Variants in KCNH1 observed in about 807,000 individuals in gnomAD.
The protein encoded by KCNH1 is potassium voltage-gated channel subfamily H member 1.
KCNH1 carries 27 observed loss-of-function variants against 69.2 expected under a neutral mutation model. The observed-to-expected ratio is 0.39, with a 90% confidence interval of 0.29 to 0.54. The LOEUF (loss-of-function observed/expected upper bound fraction) is 0.54. Among genes scored for constraint, KCNH1 ranks in the 20% least tolerant of loss-of-function variants. KCNH1 has a pLI of 0.68. For synonymous variants in KCNH1, 456 were observed against 487.7 expected (o/e 0.93, Z 0.86); for missense variants, 798 against 1,261.6 (o/e 0.63, Z 5.57).
intron 7 of KCNH1, among the ~76,000 whole-genome samples, chr1:210,879,269 G>C (rs1686445353): frequency 6.6e-6 from 1 of 151,928 alleles, no homozygotes; most frequent in African/African-American, 2.4e-5. Flanking sequence ...ATTCTAGGAG[G>C]CCAGGATTAC....
At chr1:210,934,986 G>T (rs533934359) in intron 6 of KCNH1, among the ~76,000 whole-genome samples, 4 of 151,890 alleles carry the variant, frequency 2.6e-5, no homozygotes, top group Admixed American at 6.6e-5. Flanking sequence ...CCCAATGCTG[G>T]GTTATGCCCA....
At chr1:211,116,984 T>C in intron 1 of KCNH1, among the ~76,000 whole-genome samples, 1 of 152,182 alleles carries the variant, frequency 6.6e-6, no homozygotes, top group East Asian at 1.9e-4. Context: ...GAGAGTAAAA[T>C]GGGCTCCAGC....
intron 7 of KCNH1, among the ~76,000 whole-genome samples, chr1:210,841,119 A>C (rs552422865): frequency 5.3e-5 from 8 of 152,212 alleles, no homozygotes; most frequent in Admixed American, 1.3e-4. Flanking sequence ...AGTAATGGAC[A>C]ACAAATGAAG....
intron 6 of KCNH1, among the ~76,000 whole-genome samples, chr1:210,931,801 G>T (rs181162037): frequency 6.7e-6 from 1 of 148,830 alleles, no homozygotes; most frequent in Non-Finnish European, 1.5e-5. Flanking sequence ...TCATAAAAGA[G>T]AAAAAAACAG....
In KCNH1 at chr1:210,683,923, G is replaced by T; in HGVS notation, c.2328C>A (p.Ala776=). The T allele has an allele frequency of 6.2e-7, 1 of 1,612,528 alleles. No individual in the cohort carries two copies. The highest frequency in any genetic ancestry group is 8.5e-7 in the Non-Finnish European group (1 of 1,178,712). ...VEKGNVLTEH[A]SANHSLVKAS... The stretch of plus-strand genomic sequence containing the variant: ...CCTTCACGAGGCTGTGGTTGGCGGA[G>T]GCATGCTCTGTAAGGACATTGCCCT... Residue 776 remains alanine (A), a synonymous_variant, in exon 11 of 11, where the codon GCC becomes GCA. Transcript: ENST00000271751. This position sits in a 1 kb window ranked among gnomAD's most constrained non-coding sequence, Gnocchi z 5.7.
chr1:210,847,978 T>C (rs1296707692), intron 7 of KCNH1, among the ~76,000 whole-genome samples: 4 of 152,124 alleles, frequency 2.6e-5, no homozygotes, highest in African/African-American at 9.7e-5. Flanking sequence ...AACTGTCGTT[T>C]AAGATGAAAA....
At chr1:210,878,528 A>G (rs976246098) in intron 7 of KCNH1, among the ~76,000 whole-genome samples, 1 of 152,156 alleles carries the variant, frequency 6.6e-6, no homozygotes, top group Non-Finnish European at 1.5e-5. Flanking sequence ...GAGAATAAAC[A>G]TAACTCTAAC....
intron 8 of KCNH1, among the ~76,000 whole-genome samples, chr1:210,800,800 G>A (rs1684413163): frequency 6.6e-6 from 1 of 152,090 alleles, no homozygotes; most frequent in Admixed American, 6.5e-5. Flanking sequence ...GCCAAAGGGA[G>A]ATATCAACGT....
intron 6 of KCNH1, among the ~76,000 whole-genome samples, chr1:210,934,962 T>C (rs1687748894): frequency 6.6e-6 from 1 of 152,006 alleles, no homozygotes; most frequent in Admixed American, 6.6e-5. Context: ...AGAACCATCA[T>C]ATGATCCAGC....
At chr1:210,788,239 T>C (rs1019462526) in intron 9 of KCNH1, among the ~76,000 whole-genome samples, 23 of 152,346 alleles carry the variant, frequency 1.5e-4, no homozygotes, top group Admixed American at 6.5e-4. Flanking sequence ...CCAGAAAACT[T>C]CAGTTAACAT....
At chr1:211,038,215 C>A (rs1304193574) in intron 5 of KCNH1, among the ~76,000 whole-genome samples, 1 of 152,144 alleles carries the variant, frequency 6.6e-6, no homozygotes, top group Non-Finnish European at 1.5e-5. Flanking sequence ...CCCGCCTCAG[C>A]CTCCCAAAGT....
chr1:210,996,753 C>A (rs1689050563), intron 6 of KCNH1, among the ~76,000 whole-genome samples: 2 of 152,218 alleles, frequency 1.3e-5, no homozygotes, highest in South Asian at 4.1e-4. Flanking sequence ...CAGACTGACA[C>A]CTTACAAGGT....
intron 6 of KCNH1, among the ~76,000 whole-genome samples, chr1:210,960,747 C>A (rs1688277114): frequency 6.6e-6 from 1 of 152,120 alleles, no homozygotes; most frequent in Non-Finnish European, 1.5e-5. Context: ...TAGTCACATG[C>A]TATATTTCTC....
chr1:211,043,182 A>T (rs58710823), intron 5 of KCNH1, among the ~76,000 whole-genome samples: 4,590 of 152,246 alleles, frequency 0.03, 226 homozygotes, highest in African/African-American at 0.1. Context: ...CTTTGAAAAG[A>T]TAAATAAAAT....
Position 211,088,980 on chromosome 1 carries a change from T to C in KCNH1, c.439+1582A>G, listed in dbSNP as rs138610097. ...TATCCCTCTTCAGGTTTCATGAGCATCGAATGCAGGCACCTACATGCCAGG... is the reference window on the plus strand; with the variant it reads ...TATCCCTCTTCAGGTTTCATGAGCACCGAATGCAGGCACCTACATGCCAGG... On this transcript the variant is annotated intron_variant, in intron 4 of 10. Coordinates refer to ENST00000271751, the MANE Select transcript of KCNH1 (RefSeq NM_172362.3). Among the ~76,000 whole-genome samples the C allele has an allele frequency of 1.4e-3, 211 of 152,102 alleles. 1 individual carries two copies. The highest frequency in any genetic ancestry group is 4.6e-3 in the African/African-American group (191 of 41,370).
At chr1:210,745,164 A>C (rs187257861) in intron 10 of KCNH1, among the ~76,000 whole-genome samples, 10 of 152,200 alleles carry the variant, frequency 6.6e-5, no homozygotes, top group Admixed American at 6.6e-4. Context: ...AGGTCATGCC[A>C]CTGCACTCCA....
At chr1:210,813,654 C>G (rs1434257050) in intron 7 of KCNH1, among the ~76,000 whole-genome samples, 2 of 152,144 alleles carry the variant, frequency 1.3e-5, no homozygotes, top group East Asian at 3.8e-4. Context: ...ATTGGCATGG[C>G]AACTGGCAAC....
intron 6 of KCNH1, among the ~76,000 whole-genome samples, chr1:211,015,762 T>C (rs1045009647): frequency 6.6e-6 from 1 of 152,182 alleles, no homozygotes; most frequent in Admixed American, 6.5e-5. Flanking sequence ...CTAAATGATA[T>C]GCACAAGGAT....
chr1:211,020,556 A>G (rs184162246), intron 5 of KCNH1, among the ~76,000 whole-genome samples: 1 of 152,120 alleles, frequency 6.6e-6, no homozygotes, highest in Non-Finnish European at 1.5e-5. Flanking sequence ...GAATTTTACC[A>G]AAGTTTTAAA....
Sources: gnomAD v4.1 joint callset for allele counts (sites outside exome capture counted in the v4.1 genomes callset) on GRCh38, gnomAD v4.1.1 for gene constraint, Gnocchi (gnomAD v3.1) non-coding constraint, MANE v1.5 for transcripts, NCBI Gene and HGNC (gene_info 2026-07-23, HGNC 2026-07-21) for gene names.